Variants in PRPF18 observed in about 807,000 individuals in gnomAD.
The protein encoded by PRPF18 is pre-mRNA-splicing factor 18.
A neutral mutation model predicts 46.5 loss-of-function variants in PRPF18; 38 were observed. That is an observed-to-expected ratio of 0.82 (90% confidence interval 0.63 to 1.07). The LOEUF (loss-of-function observed/expected upper bound fraction) is 1.07. Ranked by LOEUF, PRPF18 falls within the 50% of genes least tolerant of loss-of-function variation. PRPF18 has a pLI of 0.00. For missense variants in PRPF18, 263 were observed against 410.0 expected, an observed-to-expected ratio of 0.64 and a Z score of 3.10; for synonymous variants, 152 against 146.7, an observed-to-expected ratio of 1.04 and a Z score of -0.26.
intron 1 of PRPF18, among the ~76,000 whole-genome samples, chr10:13,591,157 A>G (rs1382015180): frequency 6.6e-6 from 1 of 152,186 alleles, no homozygotes; most frequent in Non-Finnish European, 1.5e-5. Flanking sequence ...AAGGGAACAT[A>G]CACAACTAGG....
chr10:13,619,932 TTTGTGATCTGTGTC>T (rs1176952996), intron 9 of PRPF18, among the ~76,000 whole-genome samples: 1 of 151,614 alleles, frequency 6.6e-6, no homozygotes, highest in Non-Finnish European at 1.5e-5. Context: ...AGAATGCCAG[TTTGTGATCTGTGTC>T]TTAAACCCAT....
chr10:13,587,979 T>TC (rs2079901370), intron 1 of PRPF18, among the ~76,000 whole-genome samples: 1 of 152,088 alleles, frequency 6.6e-6, no homozygotes. Flanking sequence ...TTGTTTGTTT[T>TC]CCCCCGACTG....
intron 1 of PRPF18, among the ~76,000 whole-genome samples, chr10:13,593,264 A>C (rs147910081): frequency 0.016 from 2,415 of 152,316 alleles, 57 homozygotes; most frequent in African/African-American, 0.053. Context: ...AGAAATAGAA[A>C]ATCTAAGCAA....
intron 1 of PRPF18, among the ~76,000 whole-genome samples, chr10:13,594,901 C>T (rs2080011927): frequency 6.6e-6 from 1 of 152,158 alleles, no homozygotes; most frequent in South Asian, 2.1e-4. Context: ...TTTGAGGAAA[C>T]CATTCTACTT....
chr10:13,639,501 C>T, the PRPF18 span: 3 of 145,300 alleles, frequency 2.1e-5, no homozygotes, highest in African/African-American at 5.0e-5. Context: ...TGGCAACTCA[C>T]GTTACACTAA....
chr10:13,606,628 G>T (rs2080188244), intron 4 of PRPF18, among the ~76,000 whole-genome samples: 1 of 150,854 alleles, frequency 6.6e-6, no homozygotes, highest in South Asian at 2.1e-4. Flanking sequence ...CCAGCTACTT[G>T]GGAGGCTGAG....
At chr10:13,610,330 C>G in intron 5 of PRPF18, 145 bp downstream of exon 5, 1 of 944,074 alleles carries the variant, frequency 1.1e-6, no homozygotes, top group South Asian at 3.0e-5. Flanking sequence ...TATTTATTTA[C>G]TCCCCTTTTT....
At chr10:13,613,690 A>G (rs1185334127) in intron 6 of PRPF18, 51 bp from the exon 7 acceptor site, 7 of 1,573,910 alleles carry the variant, frequency 4.4e-6, no homozygotes, top group Admixed American at 3.7e-5. Flanking sequence ...ATTTAGATGT[A>G]CTGAACCACT....
At chr10:13,619,679 C>T (rs2080396030) in intron 9 of PRPF18, among the ~76,000 whole-genome samples, 1 of 152,106 alleles carries the variant, frequency 6.6e-6, no homozygotes, top group Non-Finnish European at 1.5e-5. Flanking sequence ...ATTTTCTTCT[C>T]ACCTGTGCTG....
chr10:13,603,851 A>G (rs1411359686), intron 3 of PRPF18, among the ~76,000 whole-genome samples: 7 of 152,224 alleles, frequency 4.6e-5, no homozygotes, highest in Non-Finnish European at 8.8e-5. Context: ...TCTAGAAACC[A>G]TCATATGAAG....
chr10:13,643,318 TGTCTTGCAGGGACAGTAC>T, the PRPF18 span: 4 of 152,232 alleles, frequency 2.6e-5, no homozygotes, highest in Non-Finnish European at 4.4e-5. Flanking sequence ...TGCCGTGGAC[TGTCTTGCAGGGACAGTAC>T]ACATGCTGGC....
intron 4 of PRPF18, among the ~76,000 whole-genome samples, chr10:13,608,690 A>G (rs1390859555): frequency 6.6e-6 from 1 of 152,132 alleles, no homozygotes; most frequent in Non-Finnish European, 1.5e-5. Context: ...TTGTTAGTGT[A>G]CTTACTGTTT....
intron 9 of PRPF18, among the ~76,000 whole-genome samples, chr10:13,626,956 C>A (rs1290043601): frequency 6.6e-6 from 1 of 152,196 alleles, no homozygotes; most frequent in Non-Finnish European, 1.5e-5. Flanking sequence ...TCACCACCTT[C>A]CTTGCTGCCA....
intron 1 of PRPF18, among the ~76,000 whole-genome samples, chr10:13,590,334 G>A (rs559522665): frequency 8.9e-4 from 134 of 151,382 alleles, no homozygotes; most frequent in Non-Finnish European, 1.4e-3. Flanking sequence ...GGCCGGGCGC[G>A]GTGGCTCACG....
intron 1 of PRPF18, among the ~76,000 whole-genome samples, chr10:13,593,832 T>C (rs551320188): frequency 1.3e-5 from 2 of 152,148 alleles, no homozygotes; most frequent in African/African-American, 4.8e-5. Context: ...GATGGTTTAG[T>C]CATCTGCTGA....
chr10:13,594,307 T>G (rs1387884984), intron 1 of PRPF18, among the ~76,000 whole-genome samples: 3 of 152,214 alleles, frequency 2.0e-5, no homozygotes, highest in African/African-American at 7.2e-5. Context: ...CTCTCTCCAG[T>G]CTGTTGCTGT....
chr10:13,618,017 T>A (rs2080370522), intron 9 of PRPF18, among the ~76,000 whole-genome samples: 1 of 152,164 alleles, frequency 6.6e-6, no homozygotes, highest in Non-Finnish European at 1.5e-5. Flanking sequence ...AATAATGGAC[T>A]CGTGTCTCTT....
chr10:13,647,474 C>A, the PRPF18 span: 22 of 152,150 alleles, frequency 1.4e-4, no homozygotes, highest in African/African-American at 4.8e-4. Flanking sequence ...ACTTTTCCCA[C>A]ACGACAGCTG....
At chr10:13,609,156 A>G (rs529946790) in intron 4 of PRPF18, among the ~76,000 whole-genome samples, 2 of 152,374 alleles carry the variant, frequency 1.3e-5, no homozygotes, top group Admixed American at 6.5e-5. Context: ...ACCGTGCTCC[A>G]GTAACTGTTC....
Sources: allele counts gnomAD v4.1 joint callset (sites outside exome capture counted in the v4.1 genomes callset), GRCh38; gene constraint gnomAD v4.1.1; transcripts MANE v1.5; gene names NCBI Gene and HGNC (gene_info 2026-07-23, HGNC 2026-07-21).